The following SLC25A12 variants were observed in gnomAD, a reference collection of about 807,000 sequenced individuals.
SLC25A12 encodes the protein solute carrier family 25 member 12.
Under a neutral mutation model 83.3 loss-of-function variants are expected in SLC25A12, and 32 were observed. That is an observed-to-expected ratio of 0.38 (90% CI 0.29 to 0.52). The LOEUF (loss-of-function observed/expected upper bound fraction) is 0.52, where lower values mean the gene tolerates loss of function less well. SLC25A12 is among the 20% of genes least tolerant of loss of function. SLC25A12 has a pLI of 0.84. For missense variants in SLC25A12, 611 were observed against 835.6 expected, an observed-to-expected ratio of 0.73 and a Z score of 3.31; for synonymous variants, 267 against 291.1, an observed-to-expected ratio of 0.92 and a Z score of 0.84.
chr2:171,798,242 A>G (rs1163740418), intron 13 of SLC25A12, among the ~76,000 whole-genome samples: 1 of 152,220 alleles, frequency 6.6e-6, no homozygotes, highest in East Asian at 1.9e-4. Context: ...GGGGAAAAGG[A>G]TGTAATTTTG....
intron 2 of SLC25A12, among the ~76,000 whole-genome samples, chr2:171,870,393 C>T (rs748697567): frequency 2.0e-5 from 3 of 152,076 alleles, no homozygotes; most frequent in Admixed American, 2.0e-4. Flanking sequence ...GAGGCCAAGG[C>T]GGGCAACTGC....
chr2:171,878,115 T>C (rs1184778095), intron 2 of SLC25A12, among the ~76,000 whole-genome samples: 1 of 152,176 alleles, frequency 6.6e-6, no homozygotes. Flanking sequence ...CCAGGCACTA[T>C]GCCTGGTGCC....
rs869070730 is a variant in SLC25A12 at position 171,821,017 on chromosome 2, C to CTTTTTT, written c.930+5775_930+5780dup. Among the ~76,000 whole-genome samples, 18 of 48,634 alleles carry CTTTTTT rather than the reference C, an allele frequency of 3.7e-4. 2 individuals are homozygous for CTTTTTT. Among genetic ancestry groups the CTTTTTT allele is most frequent in the South Asian group, 1.5e-3 (1 of 686 alleles). The allele number at this position is 48,634 out of a possible 152,430, so 31.9% of individuals were successfully genotyped here. The stretch of plus-strand genomic sequence containing the variant: ...TGCAAATAACGCAGCTATAAACATT[C>CTTTTTT]TTTTTTTTTTTTTTTTTTTTTTTTT... On this transcript the variant is annotated intron_variant, in intron 9 of 17. Coordinates refer to ENST00000422440, the MANE Select transcript of SLC25A12 (RefSeq NM_003705.5).
chr2:171,874,670 GCATCTACTT>G (rs1324436445), intron 2 of SLC25A12, among the ~76,000 whole-genome samples: 25 of 152,132 alleles, frequency 1.6e-4, no homozygotes, highest in Admixed American at 2.0e-4. Context: ...GTTCTGTATG[GCATCTACTT>G]CATAGAATAC....
intron 9 of SLC25A12, among the ~76,000 whole-genome samples, chr2:171,819,452 C>G (rs1684137240): frequency 2.3e-5 from 1 of 43,002 alleles, no homozygotes; most frequent in South Asian, 8.4e-4. Flanking sequence ...ATATATAATA[C>G]TTATTATATA....
intron 3 of SLC25A12, among the ~76,000 whole-genome samples, chr2:171,867,033 C>A (rs1224672128): frequency 2.8e-5 from 4 of 143,434 alleles, no homozygotes; most frequent in Admixed American, 1.4e-4. Flanking sequence ...ACATCCCAGA[C>A]GGGGCGGTGG....
chr2:171,831,452 G>T (rs1684429398), intron 8 of SLC25A12, among the ~76,000 whole-genome samples: 1 of 152,154 alleles, frequency 6.6e-6, no homozygotes, highest in Non-Finnish European at 1.5e-5. Context: ...GATAAGGAAG[G>T]TTATGAAGAA....
rs376471602 is a variant in SLC25A12, at chr2:171,797,932, T to G, written c.1306-4165A>C. On this transcript the variant is annotated intron_variant, in intron 13 of 17. Coordinates refer to ENST00000422440, the MANE Select transcript of SLC25A12 (RefSeq NM_003705.5). ...ACCTTTGCTGAATTTTTTTCACTCA[T>G]GAAATCACCAAAATTAGCTTCTAAT... 1.1e-4 allele frequency among the ~76,000 whole-genome samples: 16 copies of G among 152,338 alleles called. No individual in the cohort carries two copies. In the East Asian group the frequency reaches 2.7e-3, roughly 26 times the overall value.
At chr2:171,834,701 T>C (rs1312443492) in intron 7 of SLC25A12, 26 bp downstream of exon 7, 14 of 1,609,730 alleles carry the variant, frequency 8.7e-6, no homozygotes, top group Middle Eastern at 3.3e-4. Flanking sequence ...CTGAGATTCT[T>C]ATTTATGTAT....
chr2:171,833,583 T>C (rs533048735), intron 8 of SLC25A12, among the ~76,000 whole-genome samples: 1 of 152,316 alleles, frequency 6.6e-6, no homozygotes, highest in East Asian at 1.9e-4. Flanking sequence ...TTTCCCACTT[T>C]ATGAACCCTA....
At chr2:171,806,002 G>C (rs997694835) in intron 13 of SLC25A12, among the ~76,000 whole-genome samples, 1 of 145,120 alleles carries the variant, frequency 6.9e-6, no homozygotes, top group African/African-American at 2.9e-5. Context: ...CCAGCTACTG[G>C]GGAGGCTGAG....
intron 4 of SLC25A12, among the ~76,000 whole-genome samples, chr2:171,849,549 T>C (rs1274490063): frequency 6.8e-6 from 1 of 147,100 alleles, no homozygotes; most frequent in Non-Finnish European, 1.5e-5. Context: ...CTGAAGTCAG[T>C]GGTGTGATCT....
At chr2:171,835,895 C>G (rs561235482) in intron 6 of SLC25A12, among the ~76,000 whole-genome samples, 4 of 151,178 alleles carry the variant, frequency 2.6e-5, no homozygotes, top group African/African-American at 9.7e-5. Context: ...TTTTCATATA[C>G]TCCTCTGAGG....
intron 2 of SLC25A12, among the ~76,000 whole-genome samples, chr2:171,880,744 C>T (rs1685676471): frequency 6.6e-6 from 1 of 152,144 alleles, no homozygotes; most frequent in African/African-American, 2.4e-5. Context: ...TGGTATCCAT[C>T]ATTATTCTAT....
chr2:171,785,310 C>G lies in SLC25A12; in HGVS notation c.2001G>C (p.Val667=), dbSNP rs1355923599. The G allele has an allele frequency of 1.2e-6, 2 of 1,614,032 alleles. No individual in the cohort carries two copies. Among genetic ancestry groups the G allele is most frequent in the South Asian group, 1.1e-5 (1 of 91,074 alleles). The change falls in exon 18 of 18, where the codon GTG becomes GTC. Residue 667 remains valine, a synonymous_variant. Transcript: ENST00000422440. ...LPKFKSPSVA[V]VQPKAAVAAT... ...CTGCCACTGCTGCCTTTGGCTGAAC[C>G]ACAGCAACACTAGGAGACTTAAATT...
At chr2:171,844,298 C>T in intron 5 of SLC25A12, 71 bp downstream of exon 5, 1 of 1,505,860 alleles carries the variant, frequency 6.6e-7, no homozygotes, top group Non-Finnish European at 9.2e-7. Context: ...TTGTAATAAA[C>T]TTAATAAATA....
At chr2:171,862,554 G>C (rs1306025847) in intron 3 of SLC25A12, among the ~76,000 whole-genome samples, 2 of 152,164 alleles carry the variant, frequency 1.3e-5, no homozygotes, top group Non-Finnish European at 2.9e-5. Context: ...GGGAACAAGA[G>C]AGAGGAACAG....
chr2:171,868,192 AAT>A (rs1429046416), intron 3 of SLC25A12, among the ~76,000 whole-genome samples: 5 of 151,786 alleles, frequency 3.3e-5, no homozygotes, highest in African/African-American at 1.2e-4. Context: ...ATATAATAAT[AAT>A]ATATTTATTT....
chr2:171,837,382 A>G, intron 5 of SLC25A12, 115 bp from the exon 6 acceptor site: 1 of 1,092,666 alleles, frequency 9.2e-7, no homozygotes, highest in South Asian at 1.3e-5. Context: ...TACAAAACAA[A>G]CAATGCACAG....
Sources: allele counts gnomAD v4.1 joint callset (sites outside exome capture counted in the v4.1 genomes callset), GRCh38; gene constraint gnomAD v4.1.1; transcripts MANE v1.5; gene names NCBI Gene and HGNC (gene_info 2026-07-23, HGNC 2026-07-21).